The following HABP4 variants were observed in gnomAD, a reference collection of about 807,000 sequenced individuals.
HABP4 encodes the protein hyaluronan binding protein 4.
Under a neutral mutation model 44.1 loss-of-function variants are expected in HABP4, and 32 were observed. The observed-to-expected ratio is 0.73, with a 90% CI of 0.55 to 0.97. The LOEUF is 0.97. Among genes scored for constraint, HABP4 ranks in the 50% least tolerant of loss-of-function variants. The pLI, the probability that HABP4 is intolerant of heterozygous loss-of-function variation, is 0.00. For missense variants in HABP4, 503 were observed against 561.9 expected (o/e 0.90, Z 1.06); for synonymous variants, 216 against 218.0 (o/e 0.99, Z 0.08).
intron 1 of HABP4, among the ~76,000 whole-genome samples, chr9:96,451,978 A>T (rs781390289): frequency 6.6e-6 from 1 of 152,198 alleles, no homozygotes; most frequent in African/African-American, 2.4e-5. Context: ...CTGTAATCCC[A>T]GCAGTTTGGG....
intron 5 of HABP4, 128 bp from the exon 6 acceptor site, chr9:96,484,329 TCCTTA>T: frequency 1.8e-6 from 1 of 562,364 alleles, no homozygotes; most frequent in Non-Finnish European, 3.2e-6. Flanking sequence ...GTCAAAGATT[TCCTTA>T]CCTTATTTGC....
chr9:96,465,283 G>T (rs1832580358), intron 2 of HABP4, 54 bp from the exon 3 acceptor site: 1 of 1,156,010 alleles, frequency 8.7e-7, no homozygotes, highest in Admixed American at 2.1e-5. Flanking sequence ...TTTTTTTCTG[G>T]AGAGACCTTA....
chr9:96,461,954 C>T (rs1050197894), intron 2 of HABP4, among the ~76,000 whole-genome samples: 9 of 151,388 alleles, frequency 5.9e-5, no homozygotes, highest in African/African-American at 2.2e-4. Flanking sequence ...GTCAGGAGTT[C>T]AAGACCAGCC....
Position 96,465,452 on chromosome 9 carries a change from C to G in HABP4, c.628C>G (p.Gln210Glu). ...GAACAGAGTTTTTGACGCTTTTGAC[C>G]AGAGAGGAAAGCGAGAATTTGAAAG... ...PGNRVFDAFD[Q>E]RGKREFERYG... is the part of the protein sequence containing the mutation. Residue 210 changes from glutamine to glutamate, a missense_variant, in exon 3 of 8, where the codon CAG becomes GAG. Physicochemically the swap from Gln to Glu is conservative, Grantham distance 29 (BLOSUM62 2). Transcript: ENST00000375249. The G allele has an allele frequency of 6.2e-7, 1 of 1,612,224 alleles. No individual in the cohort carries two copies. Among genetic ancestry groups the G allele is most frequent in the Non-Finnish European group, 8.5e-7 (1 of 1,178,284 alleles).
chr9:96,484,990 G>T (rs146185127), intron 6 of HABP4, among the ~76,000 whole-genome samples: 1 of 151,954 alleles, frequency 6.6e-6, no homozygotes, highest in Non-Finnish European at 1.5e-5. Context: ...TACACTCTGT[G>T]TCCCCTGAGT....
In HABP4 at chr9:96,490,955, C is replaced by T. The variant is rs1485748882; in HGVS notation, c.*917C>T. 1 of 152,236 alleles carries T rather than the reference C, an allele frequency of 6.6e-6. No homozygotes were observed. Among genetic ancestry groups the T allele is most frequent in the East Asian group, 1.9e-4 (1 of 5,196 alleles). 9.4% of individuals were successfully genotyped at this position (152,236 alleles called of 1,614,324 possible). On this transcript the variant is annotated 3_prime_UTR_variant, in exon 8 of 8. Transcript: ENST00000375249. ...AGTCCTGGCTCCAGTTCTAGAGTTCCTCTTTATTGCTTTTGGTGAAAGTTT... is the reference window on the plus strand; with the variant it reads ...AGTCCTGGCTCCAGTTCTAGAGTTCTTCTTTATTGCTTTTGGTGAAAGTTT...
chr9:96,462,436 T>C (rs971327529), intron 2 of HABP4, among the ~76,000 whole-genome samples: 74 of 151,230 alleles, frequency 4.9e-4, no homozygotes, highest in Non-Finnish European at 7.4e-4. Flanking sequence ...GTGTGACAGA[T>C]GAGACTCTGT....
At chr9:96,456,780 A>AATATATATATATAT (rs71368267) in intron 1 of HABP4, among the ~76,000 whole-genome samples, 2 of 44,770 alleles carry the variant, frequency 4.5e-5, no homozygotes, top group Non-Finnish European at 7.5e-5. Context: ...AAAAAAAAAA[A>AATATATATATATAT]ATATATATAT....
chr9:96,453,507 G>A (rs1832323061), intron 1 of HABP4, among the ~76,000 whole-genome samples: 1 of 151,952 alleles, frequency 6.6e-6, no homozygotes, highest in Non-Finnish European at 1.5e-5. Context: ...CATGATGCCT[G>A]GCCAAAAATG....
At chr9:96,468,814 T>A (rs7870253) in intron 4 of HABP4, among the ~76,000 whole-genome samples, 45,735 of 152,170 alleles carry the variant, frequency 0.3, 9,025 homozygotes, top group African/African-American at 0.57. Context: ...TACATTTCTT[T>A]ATAAAGTGAG....
chr9:96,464,554 TGGCTGAGGA>T (rs1832565177), intron 2 of HABP4, among the ~76,000 whole-genome samples: 1 of 152,174 alleles, frequency 6.6e-6, no homozygotes, highest in African/African-American at 2.4e-5. Context: ...TGGAATTGCG[TGGCTGAGGA>T]ACAATGTGAG....
At chr9:96,454,622 T>A (rs539282414) in intron 1 of HABP4, among the ~76,000 whole-genome samples, 17 of 152,106 alleles carry the variant, frequency 1.1e-4, no homozygotes, top group Non-Finnish European at 2.2e-4. Flanking sequence ...GCTAATTTTT[T>A]GTATTTTTAG....
Position 96,471,055 on chromosome 9 carries a change from A to T in HABP4, c.788A>T (p.Glu263Val). 5 of 1,607,084 alleles carry T rather than the reference A, an allele frequency of 3.1e-6. No individual in the cohort carries two copies. Among genetic ancestry groups the T allele is most frequent in the Non-Finnish European group, 4.3e-6 (5 of 1,173,602 alleles). The change falls in exon 5 of 8, where the codon GAG becomes GTG. Residue 263 changes from glutamate to valine, a missense_variant. This residue lies in a region of HABP4 where 131 missense variants were observed against 189.8 expected (regional missense o/e 0.69). Transcript: ENST00000375249. ...CCGATGGAGGAACCCACAGTGGTGG[A>T]GGAGTCCCAGGGCACCCCGGAAGAG... ...TAPMEEPTVVEESQGTPEEES... is the reference protein window; with the variant it reads ...TAPMEEPTVVVESQGTPEEES...
chr9:96,479,311 G>T (rs1832837287), intron 5 of HABP4, among the ~76,000 whole-genome samples: 1 of 151,942 alleles, frequency 6.6e-6, no homozygotes, highest in South Asian at 2.1e-4. Context: ...GTTATGTCGA[G>T]GAGGGAGATG....
At chr9:96,455,657 T>G (rs1832361529) in intron 1 of HABP4, among the ~76,000 whole-genome samples, 1 of 150,820 alleles carries the variant, frequency 6.6e-6, no homozygotes. Context: ...TCCCAGCTAC[T>G]CAGGAGGCCG....
rs145813575 is a variant in HABP4 at position 96,461,307 on chromosome 9, G to A, written c.512+2766G>A. ...GCTTAAAGCTTGTTAATAATGGGGG[G>A]AGGGTAAACATCTGAGGGATTTTTT... On this transcript the variant is annotated intron_variant, in intron 2 of 7. Coordinates refer to ENST00000375249, the MANE Select transcript of HABP4 (RefSeq NM_014282.4). Among the ~76,000 whole-genome samples, 721 of 152,202 alleles carry A rather than the reference G, an allele frequency of 4.7e-3. 7 individuals carry two copies. Among genetic ancestry groups the A allele is most frequent in the African/African-American group, 0.017 (698 of 41,544 alleles).
At chr9:96,450,130 G>A (rs1287168198), upstream of HABP4, 5 of 785,780 alleles carry the variant, frequency 6.4e-6, no homozygotes, top group African/African-American at 7.4e-5. This position sits in a 1 kb window ranked among gnomAD's most constrained non-coding sequence, Gnocchi z 4.8. Flanking sequence ...GACGGCGGCG[G>A]CGCCGCGGGG....
chr9:96,482,856 C>T (rs1006023175), intron 5 of HABP4, among the ~76,000 whole-genome samples: 2 of 152,056 alleles, frequency 1.3e-5, no homozygotes, highest in African/African-American at 4.8e-5. Flanking sequence ...AGATAATATT[C>T]CAAAAAATGT....
chr9:96,450,855 C>G lies in HABP4; in HGVS notation c.349+227C>G, dbSNP rs1216588338. ...CTGGCTTGGGGTGGGATAGGGCCCTCGAACCCTGGCACTGAGGCTCTACGG... is the reference window on the plus strand; with the variant it reads ...CTGGCTTGGGGTGGGATAGGGCCCTGGAACCCTGGCACTGAGGCTCTACGG... On this transcript the variant is annotated intron_variant, in intron 1 of 7. Transcript: ENST00000375249. The surrounding 1 kb of genome is among the most constrained non-coding windows in gnomAD (Gnocchi z 4.8). Among the ~76,000 whole-genome samples the G allele has an allele frequency of 6.6e-6, 1 of 152,050 alleles. No individual in the cohort carries two copies. The highest frequency in any genetic ancestry group is 1.5e-5 in the Non-Finnish European group (1 of 68,002).
Sources: allele counts gnomAD v4.1 joint callset (sites outside exome capture counted in the v4.1 genomes callset), GRCh38; gene constraint gnomAD v4.1.1; regional missense constraint gnomAD v4.1.1; non-coding constraint Gnocchi (gnomAD v3.1); transcripts MANE v1.5; gene names NCBI Gene and HGNC (gene_info 2026-07-23, HGNC 2026-07-21).